Variants in ZNF667 observed in about 807,000 individuals in gnomAD.
The protein encoded by ZNF667 is zinc finger protein 667, also known as myocardial ischemic preconditioning upregulated 1 ortholog.
ZNF667 carries 13 observed loss-of-function variants against 31.8 expected under a neutral mutation model. The ratio of observed to expected loss-of-function variants is 0.41; its 90% CI spans 0.27 to 0.65. The LOEUF (loss-of-function observed/expected upper bound fraction) is 0.65, where lower values mean the gene tolerates loss of function less well. ZNF667 is among the 30% of genes least tolerant of loss of function. The pLI, the probability that ZNF667 is intolerant of heterozygous loss-of-function variation, is 0.32. For synonymous variants in ZNF667, 228 were observed against 247.1 expected (o/e 0.92, Z 0.73); for missense variants, 642 against 725.6 (o/e 0.88, Z 1.32).
intron 6 of ZNF667, among the ~76,000 whole-genome samples, chr19:56,456,298 C>T (rs953990963): frequency 6.6e-6 from 1 of 152,124 alleles, no homozygotes; most frequent in African/African-American, 2.4e-5. Context: ...TGATTTATTA[C>T]AGCAAAAGGA....
rs189865536 is a variant in ZNF667 at position 56,466,839 on chromosome 19, C to T, written c.-59-4410G>A. Reference sequence around the variant, plus strand: ...AATGGTCATTGATAGCACAAACAGCCCTACCTTTAGTGAGTGCATCTGCAC... The same window carrying T: ...AATGGTCATTGATAGCACAAACAGCTCTACCTTTAGTGAGTGCATCTGCAC... On this transcript the variant is annotated intron_variant, in intron 3 of 6. Transcript: ENST00000504904. 1.4e-5 allele frequency: 5 copies of T among 364,330 alleles called. No homozygotes were observed. In the Admixed American group the frequency reaches 1.7e-4, roughly 12 times the overall value. The allele number at this position is 364,330 out of a possible 1,614,324, so 22.6% of individuals were successfully genotyped here.
At chr19:56,465,872 T>G (rs2043148340) in intron 3 of ZNF667, among the ~76,000 whole-genome samples, 1 of 152,198 alleles carries the variant, frequency 6.6e-6, no homozygotes, top group East Asian at 1.9e-4. Context: ...GATATAAAAC[T>G]TTTCCTGACT....
At position 56,441,815 on chromosome 19, in the gene ZNF667, C is replaced by A; in HGVS notation, c.1180G>T (p.Val394Phe). 1 of 1,614,016 alleles carries A rather than the reference C, an allele frequency of 6.2e-7. No individual in the cohort carries two copies. The highest frequency in any genetic ancestry group is 8.5e-7 in the Non-Finnish European group (1 of 1,180,000). ...ATAAGGGATGAATGCCGATTGCAGA[C>A]CTTCTCACATTTATTGCATCTGTAT... ...KLYRCNKCEK[V>F]CNRHSSLIQH... The change falls in exon 7 of 7, where the codon GTC becomes TTC. Residue 394 changes from valine (V) to phenylalanine (F), a missense_variant. Val to Phe is a conservative substitution (Grantham distance 50). Transcript: ENST00000504904. This position sits in a 1 kb window ranked among gnomAD's most constrained non-coding sequence, Gnocchi z 4.2.
intron 6 of ZNF667, among the ~76,000 whole-genome samples, chr19:56,453,652 C>T (rs1347494572): frequency 6.6e-6 from 1 of 152,010 alleles, no homozygotes; most frequent in East Asian, 1.9e-4. Context: ...GATGCGATCC[C>T]TCAAAAAACT....
chr19:56,471,074 GA>G (rs2043281743), intron 3 of ZNF667, among the ~76,000 whole-genome samples: 1 of 152,094 alleles, frequency 6.6e-6, no homozygotes, highest in African/African-American at 2.4e-5. Context: ...GATCCTTCGT[GA>G]ATAGTTGAGC....
rs530371892 is a variant in ZNF667 at position 56,477,310 on chromosome 19, G to A, written c.-700C>T. 3 of 152,094 alleles carry A rather than the reference G, an allele frequency of 2.0e-5. No homozygotes were observed. The highest frequency in any genetic ancestry group is 6.5e-5 in the Admixed American group (1 of 15,280). The allele number at this position is 152,094 out of a possible 1,614,324, so 9.4% of individuals were successfully genotyped here. A position where few individuals can be genotyped will look rare whatever the true frequency, so the allele number is the denominator to read the frequency against. ...GGCTCAGACCCCGGCGGCGACCACC[G>A]AGACAGCCGAGCAGGGACTCAGCGC... On this transcript the variant is annotated 5_prime_UTR_variant, in exon 1 of 7. Transcript: ENST00000504904.
At chr19:56,446,214 C>G (rs2042705819) in intron 6 of ZNF667, among the ~76,000 whole-genome samples, 1 of 152,172 alleles carries the variant, frequency 6.6e-6, no homozygotes, top group Non-Finnish European at 1.5e-5. Flanking sequence ...CTTGTTAACT[C>G]TATTACCATA....
At position 56,441,424 on chromosome 19, in the gene ZNF667, T is replaced by C; in HGVS notation, c.1571A>G (p.Glu524Gly). The C allele has an allele frequency of 6.2e-7, 1 of 1,614,224 alleles. No individual in the cohort carries two copies. The highest frequency in any genetic ancestry group is 8.5e-7 in the Non-Finnish European group (1 of 1,180,052). The stretch of plus-strand genomic sequence containing the variant: ...ACATGTTTTGCATGTATATGGCTTC[T>C]CTCCAGTGTGAATTCTTTCATGTTG... ...LAQHERIHTG[E>G]KPYTCKTCGK... The change falls in exon 7 of 7, where the codon GAG (glutamate) becomes GGG (glycine). Residue 524 changes from glutamate (E) to glycine (G), a missense_variant. Physicochemically the swap from Glu to Gly is moderately conservative, Grantham distance 98. Coordinates refer to ENST00000504904, the MANE Select transcript of ZNF667 (RefSeq NM_001321356.2). This position sits in a 1 kb window ranked among gnomAD's most constrained non-coding sequence, Gnocchi z 4.2.
At chr19:56,443,990 C>A in intron 6 of ZNF667, 1 of 359,222 alleles carries the variant, frequency 2.8e-6, no homozygotes, top group Non-Finnish European at 4.9e-6. Context: ...TTGAGGTATA[C>A]TATGAGTATA....
Position 56,453,667 on chromosome 19 carries a change from A to G in ZNF667, c.253+4488T>C, listed in dbSNP as rs1012832013. Among the ~76,000 whole-genome samples the G allele has an allele frequency of 2.0e-5, 3 of 152,346 alleles. No homozygotes were observed. The South Asian group carries it at 6.2e-4, about 32-fold the overall frequency. ...GATGCGATCCCTCAAAAAACTGGTT[A>G]TAGAGGAACATTCCTCAACACAATA... On this transcript the variant is annotated intron_variant, in intron 6 of 6. Transcript: ENST00000504904.
intron 6 of ZNF667, among the ~76,000 whole-genome samples, chr19:56,452,983 G>T (rs1469830422): frequency 6.6e-6 from 1 of 151,108 alleles, no homozygotes; most frequent in East Asian, 1.9e-4. Flanking sequence ...AAACAGAATT[G>T]ACAAACTTTT....
chr19:56,475,101 C>T (rs1054663019), intron 1 of ZNF667: 1 of 152,340 alleles, frequency 6.6e-6, no homozygotes, highest in South Asian at 2.1e-4. Context: ...TGGATGTTGA[C>T]TCCAAAAAGA....
intron 6 of ZNF667, among the ~76,000 whole-genome samples, chr19:56,457,684 C>T (rs912593946): frequency 6.6e-6 from 1 of 152,188 alleles, no homozygotes; most frequent in African/African-American, 2.4e-5. Flanking sequence ...GTGGGAGAGG[C>T]ACACAAATAA....
chr19:56,458,761 C>A (rs958275274), intron 5 of ZNF667, among the ~76,000 whole-genome samples: 16 of 152,194 alleles, frequency 1.1e-4, no homozygotes, highest in Admixed American at 9.2e-4. Context: ...GGTGCATGCT[C>A]TGTGTCCCTC....
At chr19:56,464,479 G>A (rs951236886) in intron 3 of ZNF667, among the ~76,000 whole-genome samples, 2 of 152,232 alleles carry the variant, frequency 1.3e-5, no homozygotes, top group African/African-American at 2.4e-5. Context: ...GGGTAGCAGA[G>A]TGAGACCCTG....
At chr19:56,475,361 C>G (rs10404523) in intron 1 of ZNF667, 25,758 of 152,186 alleles carry the variant, frequency 0.17, 2,452 homozygotes, top group African/African-American at 0.25. Context: ...AGAACACTAT[C>G]CTTTTATCAT....
rs540057636 is a variant in ZNF667 at position 56,460,185 on chromosome 19, T to G, written c.160+504A>C. ...ACCCAAATGCCCATCTATTAACTGA[T>G]GAATGGATAAACAAAATGTGGTCTA... On this transcript the variant is annotated intron_variant, in intron 5 of 6. Transcript: ENST00000504904. 4.0e-4 allele frequency among the ~76,000 whole-genome samples: 61 copies of G among 152,326 alleles called. 1 individual carries two copies. Among genetic ancestry groups the G allele is most frequent in the African/African-American group, 1.2e-3 (51 of 41,578 alleles).
intron 6 of ZNF667, among the ~76,000 whole-genome samples, chr19:56,451,897 A>AAC (rs2042835404): frequency 6.7e-6 from 1 of 149,862 alleles, no homozygotes; most frequent in Non-Finnish European, 1.5e-5. Flanking sequence ...AAAAAAAAAA[A>AAC]AACTTTCAAA....
At chr19:56,471,142 G>C (rs915352360) in intron 3 of ZNF667, among the ~76,000 whole-genome samples, 51 of 151,964 alleles carry the variant, frequency 3.4e-4, no homozygotes, top group East Asian at 1.9e-4. Context: ...CAGTTGTTTA[G>C]AAGTGTGTAG....
Sources: gnomAD v4.1 joint callset for allele counts (sites outside exome capture counted in the v4.1 genomes callset) on GRCh38, gnomAD v4.1.1 for gene constraint, Gnocchi (gnomAD v3.1) non-coding constraint, MANE v1.5 for transcripts, NCBI Gene and HGNC (gene_info 2026-07-23, HGNC 2026-07-21) for gene names.